Variants in PAX5 observed in about 807,000 individuals in gnomAD.
The protein encoded by PAX5 is paired box protein Pax-5.
PAX5 carries 9 observed loss-of-function variants against 43.7 expected under a neutral mutation model. The ratio of observed to expected loss-of-function variants is 0.21; its 90% confidence interval spans 0.12 to 0.36. The LOEUF is 0.36. PAX5 is among the 10% of genes least tolerant of loss of function. PAX5 has a pLI of 1.00. For missense variants in PAX5, 383 were observed against 532.7 expected, an observed-to-expected ratio of 0.72 and a Z score of 2.77; for synonymous variants, 228 against 214.3, an observed-to-expected ratio of 1.06 and a Z score of -0.56.
intron 5 of PAX5, among the ~76,000 whole-genome samples, 192 bp from the exon 6 acceptor site, chr9:36,966,916 C>T (rs546364345): frequency 6.6e-6 from 1 of 152,192 alleles, no homozygotes; most frequent in Non-Finnish European, 1.5e-5. Context: ...AGTCAGCCTC[C>T]CGCAGCCATG....
intron 5 of PAX5, among the ~76,000 whole-genome samples, chr9:36,981,095 C>T (rs1490010518): frequency 1.3e-5 from 2 of 152,002 alleles, no homozygotes; most frequent in African/African-American, 4.8e-5. Context: ...ACTTCCTCCC[C>T]CAGATATCTG....
chr9:37,032,957 C>T (rs528889206), intron 1 of PAX5, among the ~76,000 whole-genome samples: 1 of 152,370 alleles, frequency 6.6e-6, no homozygotes, highest in East Asian at 1.9e-4. Context: ...GTGCTCTCCT[C>T]CACTGGTGCG....
rs1283126276 is a variant in PAX5, at chr9:36,882,697, T to A, written c.911-592A>T. Reference sequence around the variant, plus strand: ...TTTTTCCTCCTTTGGCCTAGAGCTGTTTCTTCATTCAGTGAAGATGCAGGA... The same window carrying A: ...TTTTTCCTCCTTTGGCCTAGAGCTGATTCTTCATTCAGTGAAGATGCAGGA... On this transcript the variant is annotated intron_variant, in intron 7 of 9. Coordinates refer to ENST00000358127, the MANE Select transcript of PAX5 (RefSeq NM_016734.3). The surrounding 1 kb of genome is among the most constrained non-coding windows in gnomAD (Gnocchi z 4.4). 6.6e-6 allele frequency among the ~76,000 whole-genome samples: 1 copy of A among 152,226 alleles called. No homozygotes were observed. Among genetic ancestry groups the A allele is most frequent in the African/African-American group, 2.4e-5 (1 of 41,448 alleles).
intron 7 of PAX5, among the ~76,000 whole-genome samples, chr9:36,919,061 G>T (rs535791797): frequency 1.3e-5 from 2 of 152,282 alleles, no homozygotes; most frequent in Admixed American, 6.5e-5. Flanking sequence ...CTTGTTAGGG[G>T]CTAATATAGC....
intron 8 of PAX5, among the ~76,000 whole-genome samples, chr9:36,857,583 G>A (rs969039902): frequency 6.6e-6 from 1 of 152,216 alleles, no homozygotes; most frequent in Non-Finnish European, 1.5e-5. Context: ...AAAGCTTCCT[G>A]TAAGAAGTGG....
At chr9:37,029,962 G>C (rs761971071) in intron 1 of PAX5, among the ~76,000 whole-genome samples, 34 of 152,310 alleles carry the variant, frequency 2.2e-4, no homozygotes, top group Middle Eastern at 3.4e-3. Flanking sequence ...CTCTCGGGAT[G>C]GTGGGGGAGG....
chr9:36,923,006 C>T, intron 7 of PAX5: 1 of 230,526 alleles, frequency 4.3e-6, no homozygotes, highest in Non-Finnish European at 8.5e-6. Flanking sequence ...TTGGTGCCCA[C>T]CAGGGTGGCC....
chr9:36,974,365 T>G (rs1835248126), intron 5 of PAX5, among the ~76,000 whole-genome samples: 1 of 152,146 alleles, frequency 6.6e-6, no homozygotes, highest in African/African-American at 2.4e-5. Context: ...TCACCCCGGA[T>G]AGAGCGCTGT....
At chr9:36,854,614 G>A (rs975147972) in intron 8 of PAX5, among the ~76,000 whole-genome samples, 2 of 152,076 alleles carry the variant, frequency 1.3e-5, no homozygotes, top group African/African-American at 2.4e-5. Flanking sequence ...CTGCACCCAC[G>A]CCAAGCCTCT....
At chr9:36,888,950 G>A (rs558383425) in intron 7 of PAX5, among the ~76,000 whole-genome samples, 2 of 152,304 alleles carry the variant, frequency 1.3e-5, no homozygotes, top group South Asian at 4.1e-4. Flanking sequence ...CCACTTACTC[G>A]CTGTGTGACC....
chr9:36,875,119 T>C (rs1825803897), intron 8 of PAX5, among the ~76,000 whole-genome samples: 1 of 152,146 alleles, frequency 6.6e-6, no homozygotes, highest in Non-Finnish European at 1.5e-5. Context: ...AGCCTCCCAC[T>C]GCTTCCCCAT....
Position 36,854,261 on chromosome 9 carries a change from G to C in PAX5, c.1013-7332C>G, listed in dbSNP as rs111352224. 3.7e-3 allele frequency among the ~76,000 whole-genome samples: 565 copies of C among 152,348 alleles called. 4 individuals are homozygous for C. Among genetic ancestry groups the C allele is most frequent in the African/African-American group, 0.013 (524 of 41,576 alleles). ...TGCGGGACCAAACTGTTGACGACCA[G>C]AGTGAGCGCAGGCACGGCATCACAC... On this transcript the variant is annotated intron_variant, in intron 8 of 9. Coordinates refer to ENST00000358127, the MANE Select transcript of PAX5 (RefSeq NM_016734.3).
At chr9:36,874,201 C>A (rs774493229) in intron 8 of PAX5, among the ~76,000 whole-genome samples, 5 of 152,210 alleles carry the variant, frequency 3.3e-5, no homozygotes, top group Non-Finnish European at 7.3e-5. Context: ...AAGGCAGGCT[C>A]CGAGAAGTCA....
rs1191743397 is a variant in PAX5 at position 37,034,022 on chromosome 9, C to T, written c.10G>A (p.Glu4Lys). The change falls in exon 1 of 10, where the codon GAG (glutamate) becomes AAG (lysine). Residue 4 changes from glutamate to lysine, a missense_variant. Glu to Lys is a moderately conservative substitution (Grantham distance 56). Coordinates refer to ENST00000358127, the MANE Select transcript of PAX5 (RefSeq NM_016734.3). Reference protein sequence around the residue: MDLEKNYPTPRTSR... With the variant: MDLKKNYPTPRTSR... ...GTCCGAGGAGTCGGATAATTTTTCT[C>T]TAAATCCATTTTGATTTTTCAGGAC... The T allele has an allele frequency of 1.3e-6, 2 of 1,590,916 alleles. No individual in the cohort carries two copies. Among genetic ancestry groups the T allele is most frequent in the Non-Finnish European group, 1.7e-6 (2 of 1,168,406 alleles).
chr9:37,027,314 G>C (rs1840492597), intron 1 of PAX5, among the ~76,000 whole-genome samples: 1 of 152,328 alleles, frequency 6.6e-6, no homozygotes, highest in Middle Eastern at 3.4e-3. Flanking sequence ...TGCCTTCAAA[G>C]TTCCCGCGGC....
rs1292450937 is a variant in PAX5, at chr9:36,942,232, C to T, written c.781-18748G>A. 3.3e-5 allele frequency among the ~76,000 whole-genome samples: 5 copies of T among 152,320 alleles called. No individual in the cohort carries two copies. The East Asian group carries it at 9.6e-4, about 29-fold the overall frequency. ...ATTTGGGGTATCCCCATTCCCATCCCCTCAATTTTCAGATGGAAGCTGAAG... is the reference window on the plus strand; with the variant it reads ...ATTTGGGGTATCCCCATTCCCATCCTCTCAATTTTCAGATGGAAGCTGAAG... On this transcript the variant is annotated intron_variant, in intron 6 of 9. Coordinates refer to ENST00000358127, the MANE Select transcript of PAX5 (RefSeq NM_016734.3).
At chr9:36,842,403 T>C (rs1241847050) in intron 9 of PAX5, among the ~76,000 whole-genome samples, 1 of 151,340 alleles carries the variant, frequency 6.6e-6, no homozygotes, top group Non-Finnish European at 1.5e-5. Flanking sequence ...GGAAGTAGAG[T>C]CTTCTCCTTG....
intron 7 of PAX5, among the ~76,000 whole-genome samples, chr9:36,891,155 A>C (rs1209860576): frequency 3.3e-5 from 5 of 152,224 alleles, no homozygotes; most frequent in African/African-American, 7.2e-5. Context: ...AACAAAAAAA[A>C]ACTTCATTTT....
intron 6 of PAX5, among the ~76,000 whole-genome samples, chr9:36,956,546 C>T (rs1393883376): frequency 1.3e-5 from 2 of 152,190 alleles, no homozygotes; most frequent in African/African-American, 4.8e-5. Flanking sequence ...GCCCAGAACC[C>T]CACGCTTTTC....
Sources: gnomAD v4.1 joint callset for allele counts (sites outside exome capture counted in the v4.1 genomes callset) on GRCh38, gnomAD v4.1.1 for gene constraint, Gnocchi (gnomAD v3.1) non-coding constraint, MANE v1.5 for transcripts, NCBI Gene and HGNC (gene_info 2026-07-23, HGNC 2026-07-21) for gene names.